Variants in GRID1 observed in about 807,000 individuals in gnomAD.
GRID1 encodes glutamate ionotropic receptor delta type subunit 1.
In GRID1, 28 loss-of-function variants were observed where a neutral mutation model predicts 98.0. That is an observed-to-expected ratio of 0.29 (90% CI 0.21 to 0.39). The LOEUF (loss-of-function observed/expected upper bound fraction) is 0.39. Ranked by LOEUF, GRID1 falls within the 10% of genes least tolerant of loss-of-function variation. The pLI is 1.00. For synonymous variants in GRID1, 553 were observed against 538.5 expected, an observed-to-expected ratio of 1.03 and a Z score of -0.37; for missense variants, 1,111 against 1,340.5, an observed-to-expected ratio of 0.83 and a Z score of 2.67.
At position 85,714,566 on chromosome 10, in the gene GRID1, CAT is replaced by C. The variant is rs952416752; in HGVS notation, c.1997+8435_1997+8436del. On this transcript the variant is annotated intron_variant, in intron 12 of 15. Coordinates refer to ENST00000327946, the MANE Select transcript of GRID1 (RefSeq NM_017551.3). ...GTAAATTTGCAGGATACAAAATAAA[CAT>C]ACAAAAATCAGGAATATTTCTATAA... Among the ~76,000 whole-genome samples the C allele has an allele frequency of 1.5e-4, 23 of 151,990 alleles. No individual in the cohort carries two copies. In the South Asian group the frequency reaches 2.5e-3, roughly 16 times the overall value.
intron 4 of GRID1, among the ~76,000 whole-genome samples, chr10:86,082,395 C>T (rs573984277): frequency 2.0e-5 from 3 of 152,222 alleles, no homozygotes; most frequent in African/African-American, 4.8e-5. Context: ...CCAGGGGCAG[C>T]GGCAGGTGCA....
intron 3 of GRID1, among the ~76,000 whole-genome samples, chr10:86,143,156 C>T (rs921201276): frequency 6.6e-6 from 1 of 152,188 alleles, no homozygotes; most frequent in Non-Finnish European, 1.5e-5. Flanking sequence ...CAGCCCCTGG[C>T]TACCACTGCC....
chr10:85,804,897 T>C (rs1002004593), intron 8 of GRID1, among the ~76,000 whole-genome samples: 3 of 151,552 alleles, frequency 2.0e-5, no homozygotes, highest in African/African-American at 7.3e-5. Flanking sequence ...GGGACAAGGA[T>C]GTCAGCTCTT....
At chr10:86,072,217 C>T (rs767738505) in intron 4 of GRID1, among the ~76,000 whole-genome samples, 16 of 152,064 alleles carry the variant, frequency 1.1e-4, no homozygotes, top group Non-Finnish European at 2.4e-4. Flanking sequence ...TAGTGTCTGG[C>T]AACAATCCAT....
intron 2 of GRID1, among the ~76,000 whole-genome samples, chr10:86,324,846 C>A: frequency 6.7e-6 from 1 of 150,200 alleles, no homozygotes. Flanking sequence ...ACAAAAGATA[C>A]AAAACAAACA....
chr10:86,032,387 G>A (rs185558773), intron 4 of GRID1, among the ~76,000 whole-genome samples: 1 of 152,310 alleles, frequency 6.6e-6, no homozygotes, highest in African/African-American at 2.4e-5. Context: ...AGTGTAAGGG[G>A]GGGAAGTGTG....
chr10:86,062,329 C>G (rs1256507662), intron 4 of GRID1, among the ~76,000 whole-genome samples: 1 of 152,032 alleles, frequency 6.6e-6, no homozygotes. Context: ...GATGGCCCAG[C>G]TCCCTTTGCC....
intron 5 of GRID1, among the ~76,000 whole-genome samples, chr10:85,913,648 G>A (rs974782539): frequency 1.3e-5 from 2 of 152,144 alleles, no homozygotes; most frequent in Non-Finnish European, 2.9e-5. Flanking sequence ...GATTAGCTGG[G>A]TGAGCTGGCA....
intron 2 of GRID1, among the ~76,000 whole-genome samples, chr10:86,347,476 C>G (rs1462478133): frequency 1.3e-5 from 2 of 152,230 alleles, no homozygotes; most frequent in African/African-American, 4.8e-5. Flanking sequence ...AGCCCCATAC[C>G]AGCCCAGTGA....
At chr10:86,060,971 G>A (rs1843640101) in intron 4 of GRID1, among the ~76,000 whole-genome samples, 1 of 152,142 alleles carries the variant, frequency 6.6e-6, no homozygotes, top group African/African-American at 2.4e-5. Flanking sequence ...AGAGAAGGCA[G>A]AGCAGCCTCC....
chr10:85,681,827 C>T (rs1841212594), intron 12 of GRID1, among the ~76,000 whole-genome samples: 1 of 152,124 alleles, frequency 6.6e-6, no homozygotes, highest in Non-Finnish European at 1.5e-5. Context: ...GGCCTGCCCT[C>T]CCCAGACATG....
At chr10:85,945,512 G>A (rs1842043972) in intron 4 of GRID1, among the ~76,000 whole-genome samples, 1 of 152,086 alleles carries the variant, frequency 6.6e-6, no homozygotes, top group African/African-American at 2.4e-5. Context: ...AAGTTCTTTG[G>A]GGTATTGCTT....
intron 4 of GRID1, among the ~76,000 whole-genome samples, chr10:86,133,639 C>T (rs1456413399): frequency 6.6e-6 from 1 of 152,236 alleles, no homozygotes; most frequent in Non-Finnish European, 1.5e-5. Flanking sequence ...CACACAAAAA[C>T]AGCTGACCCC....
At chr10:85,645,441 C>T (rs1351302839) in intron 13 of GRID1, 1 of 152,208 alleles carries the variant, frequency 6.6e-6, no homozygotes, top group Non-Finnish European at 1.5e-5. Flanking sequence ...GTGAGAACTA[C>T]GAGGTTTTAA....
At chr10:85,820,915 T>G (rs1270328149) in intron 8 of GRID1, among the ~76,000 whole-genome samples, 1 of 152,198 alleles carries the variant, frequency 6.6e-6, no homozygotes, top group Non-Finnish European at 1.5e-5. Context: ...TTTTTGATAT[T>G]CATTCAAGGG....
rs2132496029 is a variant in GRID1 at position 85,600,237 on chromosome 10, T to C, written c.*2036A>G. The C allele has an allele frequency of 6.6e-6, 1 of 152,430 alleles. No individual in the cohort carries two copies. Among genetic ancestry groups the C allele is most frequent in the African/African-American group, 2.4e-5 (1 of 41,548 alleles). The allele number at this position is 152,430 out of a possible 1,614,324, so 9.4% of individuals were successfully genotyped here. A position where few individuals can be genotyped will look rare whatever the true frequency, so the allele number is the denominator to read the frequency against. On this transcript the variant is annotated 3_prime_UTR_variant, in exon 16 of 16. Coordinates refer to ENST00000327946, the MANE Select transcript of GRID1 (RefSeq NM_017551.3). The stretch of plus-strand genomic sequence containing the variant: ...GGTCATGGTAGCCCACCTAGGCTTC[T>C]CTGAGCATGCCTGGCTCCAAGGTCC...
At chr10:86,346,894 C>T (rs1192921063) in intron 2 of GRID1, among the ~76,000 whole-genome samples, 2 of 152,172 alleles carry the variant, frequency 1.3e-5, no homozygotes, top group African/African-American at 4.8e-5. Flanking sequence ...GGAGAGGCCT[C>T]CCGGCTGGGG....
intron 2 of GRID1, among the ~76,000 whole-genome samples, chr10:86,310,454 C>T (rs1022352227): frequency 6.6e-6 from 1 of 152,098 alleles, no homozygotes; most frequent in Admixed American, 6.6e-5. Flanking sequence ...GAGGGGTGGG[C>T]AGCAAGACCC....
intron 8 of GRID1, among the ~76,000 whole-genome samples, chr10:85,766,796 T>G (rs1344865195): frequency 6.6e-6 from 1 of 151,622 alleles, no homozygotes; most frequent in Non-Finnish European, 1.5e-5. Context: ...TCTGTCAGGT[T>G]TTTCATGTTT....
Sources: gnomAD v4.1 joint callset for allele counts (sites outside exome capture counted in the v4.1 genomes callset) on GRCh38, gnomAD v4.1.1 for gene constraint, MANE v1.5 for transcripts, NCBI Gene and HGNC (gene_info 2026-07-23, HGNC 2026-07-21) for gene names.